The following NEGR1 variants were observed in gnomAD, a reference collection of about 807,000 sequenced individuals.
NEGR1 encodes IgLON family member 4.
NEGR1 carries 10 observed loss-of-function variants against 40.9 expected under a neutral mutation model. The ratio of observed to expected loss-of-function variants is 0.24; its 90% CI spans 0.15 to 0.42. NEGR1 has a LOEUF of 0.42. Among genes scored for constraint, NEGR1 ranks in the 10% least tolerant of loss-of-function variants. NEGR1 has a pLI of 1.00. For missense variants in NEGR1, 352 were observed against 438.9 expected (o/e 0.80, Z 1.77); for synonymous variants, 185 against 166.8 (o/e 1.11, Z -0.84).
intron 1 of NEGR1, among the ~76,000 whole-genome samples, chr1:72,040,956 T>A (rs1229795650): frequency 6.6e-6 from 1 of 151,980 alleles, no homozygotes; most frequent in Non-Finnish European, 1.5e-5. Flanking sequence ...TCTCCAGACA[T>A]CAACCTAATA....
chr1:72,014,117 A>T (rs977357403), intron 1 of NEGR1, among the ~76,000 whole-genome samples: 30 of 151,582 alleles, frequency 2.0e-4, no homozygotes, highest in African/African-American at 7.0e-4. Context: ...CTTTTTTTGT[A>T]TGCAGATTTC....
At chr1:72,177,591 T>C (rs894141386) in intron 1 of NEGR1, among the ~76,000 whole-genome samples, 12 of 152,072 alleles carry the variant, frequency 7.9e-5, no homozygotes, top group African/African-American at 2.7e-4. Flanking sequence ...AAAAAACTTA[T>C]TCATACTGCC....
chr1:71,700,750 C>T (rs1653662374), intron 3 of NEGR1, among the ~76,000 whole-genome samples: 1 of 152,130 alleles, frequency 6.6e-6, no homozygotes, highest in Middle Eastern at 3.4e-3. Context: ...AAGTTATTCA[C>T]ATCCTATTCA....
At chr1:71,729,127 C>T (rs184354064) in intron 3 of NEGR1, among the ~76,000 whole-genome samples, 2 of 152,202 alleles carry the variant, frequency 1.3e-5, no homozygotes, top group African/African-American at 2.4e-5. Context: ...CCTTTCCTCT[C>T]GCCAAACATA....
intron 4 of NEGR1, among the ~76,000 whole-genome samples, chr1:71,615,898 T>A (rs978194408): frequency 7.2e-5 from 11 of 152,170 alleles, no homozygotes; most frequent in Non-Finnish European, 7.3e-5. Context: ...CATTGGCCAA[T>A]GCATAGAAAA....
rs80292890 is a variant in NEGR1 at position 71,928,439 on chromosome 1, CAT to C, written c.409+6638_409+6639del. Among the ~76,000 whole-genome samples, 664 of 84,262 alleles carry C rather than the reference CAT, an allele frequency of 7.9e-3. 64 individuals carry two copies. Among genetic ancestry groups the C allele is most frequent in the African/African-American group, 0.023 (567 of 24,318 alleles). 55.3% of individuals were successfully genotyped at this position (84,262 alleles called of 152,430 possible). On this transcript the variant is annotated intron_variant, in intron 2 of 6. Coordinates refer to ENST00000357731, the MANE Select transcript of NEGR1 (RefSeq NM_173808.3). ...ATATACACACATATGTATATATACA[CAT>C]ATATATGTATATATACACACATACT... is the stretch of plus-strand genomic sequence containing the variant.
At chr1:72,266,724 A>AACAC (rs3082237) in intron 1 of NEGR1, among the ~76,000 whole-genome samples, 28,171 of 133,624 alleles carry the variant, frequency 0.21, 3,166 homozygotes, top group Non-Finnish European at 0.26. Flanking sequence ...TAGACAGATA[A>AACAC]ACACACACAC....
At chr1:72,108,039 G>GT (rs1649205275) in intron 1 of NEGR1, among the ~76,000 whole-genome samples, 1 of 151,354 alleles carries the variant, frequency 6.6e-6, no homozygotes, top group South Asian at 2.1e-4. Flanking sequence ...ATAATCTTCA[G>GT]TAAAAATAAA....
chr1:71,671,959 C>A (rs750427079), intron 4 of NEGR1, among the ~76,000 whole-genome samples: 5 of 148,008 alleles, frequency 3.4e-5, no homozygotes, highest in East Asian at 2.0e-4. Flanking sequence ...GTCTCAAACT[C>A]CTGTCCTCAA....
intron 1 of NEGR1, among the ~76,000 whole-genome samples, chr1:72,134,426 G>C (rs1173813535): frequency 2.0e-5 from 3 of 151,684 alleles, no homozygotes; most frequent in Non-Finnish European, 2.9e-5. Flanking sequence ...GGATGGTCTC[G>C]ATCTCCTGAC....
chr1:71,849,123 T>C (rs963627133), intron 2 of NEGR1, among the ~76,000 whole-genome samples: 1 of 151,850 alleles, frequency 6.6e-6, no homozygotes, highest in Non-Finnish European at 1.5e-5. Context: ...CATTTCATAA[T>C]GCTATAGCTG....
chr1:71,958,451 G>T (rs1482960938), intron 1 of NEGR1, among the ~76,000 whole-genome samples: 1 of 152,112 alleles, frequency 6.6e-6, no homozygotes, highest in African/African-American at 2.4e-5. Flanking sequence ...AAGAGAAAAG[G>T]AAAGGACGAA....
At chr1:71,631,618 T>A (rs184345635) in intron 4 of NEGR1, among the ~76,000 whole-genome samples, 1 of 151,916 alleles carries the variant, frequency 6.6e-6, no homozygotes, top group East Asian at 1.9e-4. Context: ...CAATACATAT[T>A]TATTGGTAAT....
chr1:72,050,510 T>G (rs1471182482), intron 1 of NEGR1, among the ~76,000 whole-genome samples: 1 of 151,568 alleles, frequency 6.6e-6, no homozygotes, highest in East Asian at 1.9e-4. Context: ...CTCTAAAGTG[T>G]TTGTCTACTT....
chr1:71,732,519 T>TGTGC (rs1163271609), intron 3 of NEGR1, among the ~76,000 whole-genome samples: 5 of 136,902 alleles, frequency 3.7e-5, no homozygotes, highest in East Asian at 2.0e-4. Flanking sequence ...TGTGTGTGTG[T>TGTGC]GCGCGCGCGC....
chr1:71,751,094 T>TG (rs1431010650), intron 3 of NEGR1, among the ~76,000 whole-genome samples: 1 of 151,978 alleles, frequency 6.6e-6, no homozygotes, highest in African/African-American at 2.4e-5. Flanking sequence ...GTTTTTTTTT[T>TG]GTTCTTTCTT....
Position 71,688,325 on chromosome 1 carries a change from T to G in NEGR1, c.667+9683A>C, listed in dbSNP as rs868759675. 5.8e-5 allele frequency among the ~76,000 whole-genome samples: 6 copies of G among 103,234 alleles called. 1 individual carries two copies. Among genetic ancestry groups the G allele is most frequent in the African/African-American group, 1.5e-4 (4 of 26,726 alleles). The allele number at this position is 103,234 out of a possible 152,430, so 67.7% of individuals were successfully genotyped here. On this transcript the variant is annotated intron_variant, in intron 4 of 6. Coordinates refer to ENST00000357731, the MANE Select transcript of NEGR1 (RefSeq NM_173808.3). The stretch of plus-strand genomic sequence containing the variant: ...TTCCCTTTTCATATATATATATATA[T>G]ATAGATAGATAGATAGATAGATAGA...
At chr1:72,117,252 T>G (rs1649617209) in intron 1 of NEGR1, among the ~76,000 whole-genome samples, 1 of 151,888 alleles carries the variant, frequency 6.6e-6, no homozygotes, top group Non-Finnish European at 1.5e-5. Context: ...TTTGTCTAAT[T>G]AAATCTGTTA....
At chr1:71,448,565 C>T (rs1646600335) in intron 6 of NEGR1, among the ~76,000 whole-genome samples, 2 of 152,112 alleles carry the variant, frequency 1.3e-5, no homozygotes, top group African/African-American at 4.8e-5. Flanking sequence ...CACCACTGCA[C>T]TCCAGCCTGG....
Sources: allele counts gnomAD v4.1 joint callset (sites outside exome capture counted in the v4.1 genomes callset), GRCh38; gene constraint gnomAD v4.1.1; transcripts MANE v1.5; gene names NCBI Gene and HGNC (gene_info 2026-07-23, HGNC 2026-07-21).